The following BMPR1A variants were observed in gnomAD, a reference collection of about 807,000 sequenced individuals.
BMPR1A encodes the protein bone morphogenetic protein receptor type-1A.
In BMPR1A, 7 loss-of-function variants were observed where a neutral mutation model predicts 66.0. The observed-to-expected ratio is 0.11, with a 90% CI of 0.06 to 0.20. BMPR1A has a LOEUF of 0.20. Ranked by LOEUF, BMPR1A falls within the 10% of genes least tolerant of loss-of-function variation. The pLI is 1.00. For missense variants in BMPR1A, 408 were observed against 669.1 expected, an observed-to-expected ratio of 0.61 and a Z score of 4.31; for synonymous variants, 200 against 229.7, an observed-to-expected ratio of 0.87 and a Z score of 1.17.
intron 1 of BMPR1A, among the ~76,000 whole-genome samples, chr10:86,798,834 T>C (rs113922097): frequency 0.014 from 2,184 of 152,344 alleles, 28 homozygotes; most frequent in Non-Finnish European, 0.025. Context: ...AAACTGAAAC[T>C]GTAAGCTCAT....
At chr10:86,776,111 A>G (rs1168330885) in intron 1 of BMPR1A, among the ~76,000 whole-genome samples, 1 of 152,174 alleles carries the variant, frequency 6.6e-6, no homozygotes, top group Non-Finnish European at 1.5e-5. Flanking sequence ...ATGTTTTTAA[A>G]TGGGTAAAAT....
chr10:86,908,879 G>A (rs961455388), intron 7 of BMPR1A, among the ~76,000 whole-genome samples: 8 of 152,198 alleles, frequency 5.3e-5, no homozygotes, highest in Admixed American at 5.2e-4. Context: ...AGAGGAAGGT[G>A]TCATCTTCTC....
At chr10:86,919,669 T>A (rs1843632481) in intron 10 of BMPR1A, among the ~76,000 whole-genome samples, 200 bp downstream of exon 10, 1 of 151,702 alleles carries the variant, frequency 6.6e-6, no homozygotes, top group Admixed American at 6.6e-5. Context: ...GATATATATA[T>A]ATTTTTTTGG....
intron 3 of BMPR1A, among the ~76,000 whole-genome samples, chr10:86,880,115 A>G (rs1842968156): frequency 6.6e-6 from 1 of 151,776 alleles, no homozygotes; most frequent in Non-Finnish European, 1.5e-5. Context: ...TGGATTGAAA[A>G]CTCACAGCCT....
At chr10:86,806,155 G>A (rs900255608) in intron 1 of BMPR1A, among the ~76,000 whole-genome samples, 12 of 152,136 alleles carry the variant, frequency 7.9e-5, no homozygotes, top group African/African-American at 1.7e-4. Flanking sequence ...CTACATAAAT[G>A]ACGACGTGTC....
At chr10:86,757,934 TCTTA>T (rs1440915991) in intron 1 of BMPR1A, among the ~76,000 whole-genome samples, 2 of 152,230 alleles carry the variant, frequency 1.3e-5, no homozygotes, top group Non-Finnish European at 2.9e-5. Flanking sequence ...TTTCAGTTAC[TCTTA>T]CTTGAAATTA....
At chr10:86,869,698 G>A (rs1202953146) in intron 2 of BMPR1A, among the ~76,000 whole-genome samples, 1 of 151,902 alleles carries the variant, frequency 6.6e-6, no homozygotes, top group Non-Finnish European at 1.5e-5. Flanking sequence ...CAGAGGTTGC[G>A]GTGAGCTGAG....
chr10:86,815,053 G>A (rs994694477), intron 1 of BMPR1A, among the ~76,000 whole-genome samples: 1 of 152,176 alleles, frequency 6.6e-6, no homozygotes, highest in Non-Finnish European at 1.5e-5. Flanking sequence ...AAAGTACTGG[G>A]ATTACAGGCG....
chr10:86,768,904 A>C (rs564448258), intron 1 of BMPR1A, among the ~76,000 whole-genome samples: 111 of 137,084 alleles, frequency 8.1e-4, no homozygotes, highest in Non-Finnish European at 8.9e-5. Flanking sequence ...ATGAATGATG[A>C]GTGCAGTTCA....
intron 1 of BMPR1A, among the ~76,000 whole-genome samples, chr10:86,758,347 C>A (rs1366378775): frequency 6.6e-6 from 1 of 150,758 alleles, no homozygotes; most frequent in East Asian, 2.0e-4. Flanking sequence ...GGCTTCTTAA[C>A]CTTCCGTCAA....
chr10:86,919,599 T>TGGG, intron 10 of BMPR1A, 130 bp downstream of exon 10: 2 of 1,210,214 alleles, frequency 1.7e-6, no homozygotes, highest in Non-Finnish European at 2.3e-6. Flanking sequence ...AATGTATAGT[T>TGGG]GGGGGGGATT....
intron 5 of BMPR1A, among the ~76,000 whole-genome samples, chr10:86,897,514 G>A (rs527877388): frequency 6.6e-6 from 1 of 152,300 alleles, no homozygotes; most frequent in East Asian, 1.9e-4. Context: ...TGTCAAGCAA[G>A]AGGAAGGGAA....
intron 1 of BMPR1A, among the ~76,000 whole-genome samples, chr10:86,793,300 T>C (rs943471781): frequency 6.6e-6 from 1 of 151,642 alleles, no homozygotes; most frequent in Non-Finnish European, 1.5e-5. Context: ...TAGGGAAGGG[T>C]ACCTGTATTT....
Position 86,919,155 on chromosome 10 carries a change from A to C in BMPR1A, c.869-17A>C. On this transcript the variant is annotated splice_polypyrimidine_tract_variant and intron_variant, in intron 9 of 12. Coordinates refer to ENST00000372037, the MANE Select transcript of BMPR1A (RefSeq NM_004329.3). ...TCTCTGATGATAACTAACCTTTTAA[A>C]CTCATCAACTGGACAGGTTTCATAG... 1 of 1,613,774 alleles carries C rather than the reference A, an allele frequency of 6.2e-7. No homozygotes were observed. The highest frequency in any genetic ancestry group is 8.5e-7 in the Non-Finnish European group (1 of 1,179,740).
At chr10:86,866,406 T>TTTTTTC (rs1842787230) in intron 2 of BMPR1A, among the ~76,000 whole-genome samples, 1 of 107,608 alleles carries the variant, frequency 9.3e-6, no homozygotes, top group African/African-American at 4.5e-5. Context: ...TTTCTTTTTT[T>TTTTTTC]TTTTTTTTTT....
At chr10:86,857,443 T>G (rs139031261) in intron 2 of BMPR1A, among the ~76,000 whole-genome samples, 308 of 152,328 alleles carry the variant, frequency 2.0e-3, no homozygotes, top group Middle Eastern at 0.014. Context: ...GAATGCAAGA[T>G]AAGTGTGTTA....
chr10:86,869,683 G>A (rs186763542), intron 2 of BMPR1A, among the ~76,000 whole-genome samples: 62 of 152,204 alleles, frequency 4.1e-4, no homozygotes, highest in African/African-American at 1.3e-3. Flanking sequence ...CTTGAACCCT[G>A]GAGGCAGAGG....
intron 1 of BMPR1A, among the ~76,000 whole-genome samples, chr10:86,795,080 A>G (rs1051162923): frequency 2.0e-5 from 3 of 151,838 alleles, no homozygotes; most frequent in African/African-American, 7.3e-5. Flanking sequence ...TGAACTCCCG[A>G]CCTCAGGTGA....
chr10:86,875,907 T>G lies in BMPR1A; in HGVS notation c.-112T>G. On this transcript the variant is annotated 5_prime_UTR_variant, in exon 3 of 13. Coordinates refer to ENST00000372037, the MANE Select transcript of BMPR1A (RefSeq NM_004329.3). ...AGTGGGAGTTGAAGTCATTGTCAAGTGCTTGCGATCTTTTACAAGAAAATC... is the reference window on the plus strand; with the variant it reads ...AGTGGGAGTTGAAGTCATTGTCAAGGGCTTGCGATCTTTTACAAGAAAATC... 1.1e-6 allele frequency: 1 copy of G among 896,244 alleles called. No homozygotes were observed. Among genetic ancestry groups the G allele is most frequent in the Non-Finnish European group, 1.9e-6 (1 of 538,972 alleles). The allele number at this position is 896,244 out of a possible 1,614,324, so 55.5% of individuals were successfully genotyped here.
Sources: allele counts gnomAD v4.1 joint callset (sites outside exome capture counted in the v4.1 genomes callset), GRCh38; gene constraint gnomAD v4.1.1; transcripts MANE v1.5; gene names NCBI Gene and HGNC (gene_info 2026-07-23, HGNC 2026-07-21).